HS6ST3: variants seen among roughly 807,000 people sequenced by gnomAD.
The protein encoded by HS6ST3 is heparan-sulfate 6-O-sulfotransferase 3.
A neutral mutation model predicts 36.7 loss-of-function variants in HS6ST3; 12 were observed. The observed-to-expected ratio is 0.33, with a 90% CI of 0.21 to 0.53. The LOEUF (loss-of-function observed/expected upper bound fraction) is 0.53, where lower values mean the gene tolerates loss of function less well. Among genes scored for constraint, HS6ST3 ranks in the 20% least tolerant of loss-of-function variants. The pLI, the probability that HS6ST3 is intolerant of heterozygous loss-of-function variation, is 0.95. For synonymous variants in HS6ST3, 240 were observed against 257.5 expected (o/e 0.93, Z 0.65); for missense variants, 584 against 640.9 (o/e 0.91, Z 0.96).
At chr13:96,324,137 GATA>G (rs1431913349) in intron 1 of HS6ST3, among the ~76,000 whole-genome samples, 2 of 152,146 alleles carry the variant, frequency 1.3e-5, no homozygotes, top group African/African-American at 4.8e-5. Flanking sequence ...AGAGGAAACT[GATA>G]ATGACAGTTT....
At chr13:96,661,421 T>C (rs561153607) in intron 1 of HS6ST3, among the ~76,000 whole-genome samples, 1 of 152,256 alleles carries the variant, frequency 6.6e-6, no homozygotes, top group Non-Finnish European at 1.5e-5. Flanking sequence ...TTGTCTTATC[T>C]GATGTAAGTG....
At chr13:96,386,884 T>C (rs1453254807) in intron 1 of HS6ST3, among the ~76,000 whole-genome samples, 1 of 152,098 alleles carries the variant, frequency 6.6e-6, no homozygotes, top group African/African-American at 2.4e-5. Flanking sequence ...TAATTGCACA[T>C]TATTAACTAT....
intron 1 of HS6ST3, among the ~76,000 whole-genome samples, chr13:96,308,773 G>A (rs2054926067): frequency 6.6e-6 from 1 of 152,070 alleles, no homozygotes; most frequent in South Asian, 2.1e-4. Flanking sequence ...TCATAAATAT[G>A]CATTCTATTC....
rs540420140 is a variant in HS6ST3, at chr13:96,264,623, C to A, written c.707+173054C>A. ...AATGGCTGAAAACAAAGTATCTAAT[C>A]AACTCTGAGCATAAACGTATGTAAC... On this transcript the variant is annotated intron_variant, in intron 1 of 1. Coordinates refer to ENST00000376705, the MANE Select transcript of HS6ST3 (RefSeq NM_153456.4). Among the ~76,000 whole-genome samples the A allele has an allele frequency of 5.6e-4, 85 of 152,286 alleles. 1 individual carries two copies. The highest frequency in any genetic ancestry group is 2.0e-3 in the African/African-American group (84 of 41,562).
intron 1 of HS6ST3, among the ~76,000 whole-genome samples, chr13:96,334,074 G>C (rs2055086910): frequency 6.6e-6 from 1 of 152,188 alleles, no homozygotes; most frequent in Non-Finnish European, 1.5e-5. Context: ...GGAAGTGACT[G>C]TAGTGCAGAT....
chr13:96,327,778 C>A (rs1215454398), intron 1 of HS6ST3, among the ~76,000 whole-genome samples: 14 of 151,914 alleles, frequency 9.2e-5, no homozygotes, highest in Non-Finnish European at 2.1e-4. Flanking sequence ...GGCAGTATGG[C>A]CATTTTCACG....
At chr13:96,401,251 A>C (rs2139457393) in intron 1 of HS6ST3, among the ~76,000 whole-genome samples, 1 of 152,282 alleles carries the variant, frequency 6.6e-6, no homozygotes, top group Middle Eastern at 3.4e-3. Flanking sequence ...TTCTATTTTT[A>C]ACTCTGACTC....
chr13:96,773,191 G>A (rs1877307274), intron 1 of HS6ST3, among the ~76,000 whole-genome samples: 1 of 152,212 alleles, frequency 6.6e-6, no homozygotes, highest in South Asian at 2.1e-4. Context: ...ATTCCTTTGG[G>A]TGCTTATGCC....
At chr13:96,325,090 T>C (rs981235304) in intron 1 of HS6ST3, among the ~76,000 whole-genome samples, 16 of 152,230 alleles carry the variant, frequency 1.1e-4, no homozygotes, top group Non-Finnish European at 2.1e-4. Context: ...TGGTGTATAC[T>C]GTAACATTCC....
intron 1 of HS6ST3, among the ~76,000 whole-genome samples, chr13:96,256,349 A>G (rs566449587): frequency 6.6e-6 from 1 of 152,348 alleles, no homozygotes; most frequent in African/African-American, 2.4e-5. Flanking sequence ...TTTTATTTCA[A>G]CAGTGTCCGA....
chr13:96,450,411 T>G (rs1204882829), intron 1 of HS6ST3, among the ~76,000 whole-genome samples: 7 of 152,246 alleles, frequency 4.6e-5, no homozygotes, highest in Non-Finnish European at 7.3e-5. Context: ...GTTGACTTTT[T>G]ATAGAATTAT....
intron 1 of HS6ST3, among the ~76,000 whole-genome samples, chr13:96,474,270 C>T (rs552557737): frequency 1.3e-5 from 2 of 152,178 alleles, no homozygotes; most frequent in South Asian, 2.1e-4. Flanking sequence ...GTGATGGCAA[C>T]GTGTCAGATT....
At chr13:96,561,435 G>T (rs967567582) in intron 1 of HS6ST3, among the ~76,000 whole-genome samples, 3 of 152,044 alleles carry the variant, frequency 2.0e-5, no homozygotes, top group African/African-American at 7.2e-5. Flanking sequence ...AAGAATCCTA[G>T]AAGAAAGCCT....
intron 1 of HS6ST3, among the ~76,000 whole-genome samples, chr13:96,164,556 G>GAAAA (rs1181401496): frequency 7.6e-6 from 1 of 132,214 alleles, no homozygotes; most frequent in Non-Finnish European, 1.6e-5. Flanking sequence ...GACCCTGCCT[G>GAAAA]AAAAAAAAAA....
intron 1 of HS6ST3, among the ~76,000 whole-genome samples, chr13:96,493,272 A>G (rs1359729974): frequency 6.6e-6 from 1 of 151,618 alleles, no homozygotes; most frequent in African/African-American, 2.4e-5. Flanking sequence ...GATTCCAGGA[A>G]CCTCTATAAT....
At position 96,839,480 on chromosome 13, in the gene HS6ST3, T is replaced by G. The variant is rs1358087316; in HGVS notation, c.*6282T>G. Reference sequence around the variant, plus strand: ...TTATTGCTATTTAAAAATGATAGTTTGTAGAACTGAAGATTTCCATTGATG... The same window carrying G: ...TTATTGCTATTTAAAAATGATAGTTGGTAGAACTGAAGATTTCCATTGATG... On this transcript the variant is annotated 3_prime_UTR_variant, in exon 2 of 2. Transcript: ENST00000376705. 6.6e-6 allele frequency: 1 copy of G among 152,254 alleles called. No individual in the cohort carries two copies. Among genetic ancestry groups the G allele is most frequent in the Non-Finnish European group, 1.5e-5 (1 of 68,048 alleles). The allele number at this position is 152,254 out of a possible 1,614,324, so 9.4% of individuals were successfully genotyped here.
At chr13:96,182,121 A>G (rs2054242815) in intron 1 of HS6ST3, among the ~76,000 whole-genome samples, 1 of 152,224 alleles carries the variant, frequency 6.6e-6, no homozygotes, top group Admixed American at 6.5e-5. Flanking sequence ...GTTCGTGACT[A>G]TTGGTCCACG....
chr13:96,238,910 G>GGT (rs1334346630), intron 1 of HS6ST3, among the ~76,000 whole-genome samples: 6 of 152,208 alleles, frequency 3.9e-5, no homozygotes, highest in Non-Finnish European at 5.9e-5. Context: ...CTTGTGCCTG[G>GGT]GTGACACAGC....
At chr13:96,760,533 T>C (rs929017787) in intron 1 of HS6ST3, among the ~76,000 whole-genome samples, 1 of 152,140 alleles carries the variant, frequency 6.6e-6, no homozygotes, top group African/African-American at 2.4e-5. Flanking sequence ...ATTTAAATAT[T>C]ATTTTAAAAT....
Sources: gnomAD v4.1 joint callset for allele counts (sites outside exome capture counted in the v4.1 genomes callset) on GRCh38, gnomAD v4.1.1 for gene constraint, MANE v1.5 for transcripts, NCBI Gene and HGNC (gene_info 2026-07-23, HGNC 2026-07-21) for gene names.